ZDHHC14: variants seen among roughly 807,000 people sequenced by gnomAD.
The protein encoded by ZDHHC14 is palmitoyltransferase ZDHHC14.
ZDHHC14 carries 16 observed loss-of-function variants against 47.7 expected under a neutral mutation model. That is an observed-to-expected ratio of 0.34 (90% confidence interval 0.23 to 0.51). The LOEUF (loss-of-function observed/expected upper bound fraction) is 0.51. Ranked by LOEUF, ZDHHC14 falls within the 20% of genes least tolerant of loss-of-function variation. ZDHHC14 has a pLI of 0.97. For missense variants in ZDHHC14, 515 were observed against 662.5 expected (o/e 0.78, Z 2.44); for synonymous variants, 293 against 278.9 (o/e 1.05, Z -0.50).
intron 2 of ZDHHC14, among the ~76,000 whole-genome samples, chr6:157,550,191 T>C (rs1215591675): frequency 6.6e-6 from 1 of 152,176 alleles, no homozygotes; most frequent in Non-Finnish European, 1.5e-5. Context: ...TAAGTTCACA[T>C]AGGCATTCTA....
At chr6:157,497,690 G>A (rs1292927337) in intron 1 of ZDHHC14, among the ~76,000 whole-genome samples, 1 of 152,150 alleles carries the variant, frequency 6.6e-6, no homozygotes, top group Non-Finnish European at 1.5e-5. Flanking sequence ...AGCAACATCT[G>A]AGCATATTGT....
At chr6:157,655,083 A>C (rs1004664992) in intron 8 of ZDHHC14, among the ~76,000 whole-genome samples, 4 of 152,138 alleles carry the variant, frequency 2.6e-5, no homozygotes, top group Non-Finnish European at 5.9e-5. Context: ...TTGCCGCTCC[A>C]CTGTGTAAGG....
intron 1 of ZDHHC14, among the ~76,000 whole-genome samples, chr6:157,480,361 G>A (rs140933032): frequency 0.016 from 2,273 of 140,192 alleles, 33 homozygotes; most frequent in Non-Finnish European, 0.024. Context: ...TCTGCCACCC[G>A]AGTTCAAGCG....
At chr6:157,578,443 A>G (rs1783388796) in intron 2 of ZDHHC14, among the ~76,000 whole-genome samples, 1 of 152,236 alleles carries the variant, frequency 6.6e-6, no homozygotes, top group African/African-American at 2.4e-5. Context: ...TTTATTGAAT[A>G]GGGAATCCTT....
At chr6:157,593,218 C>A in intron 3 of ZDHHC14, 72 bp downstream of exon 3, 4 of 1,502,676 alleles carry the variant, frequency 2.7e-6, no homozygotes, top group East Asian at 2.3e-5. Flanking sequence ...TCCAACCCTG[C>A]GCCACGGAAC....
In ZDHHC14 at chr6:157,527,198, G is replaced by A. The variant is rs548284501; in HGVS notation, c.246-15387G>A. ...CCACCCTGCAACTGGGTGCCTGAAA[G>A]CAGATTACACCAGCCGGGGGGCCAT... On this transcript the variant is annotated intron_variant, in intron 1 of 8. Coordinates refer to ENST00000359775, the MANE Select transcript of ZDHHC14 (RefSeq NM_024630.3). 2.1e-4 allele frequency among the ~76,000 whole-genome samples: 32 copies of A among 152,244 alleles called. No individual in the cohort carries two copies. The South Asian group carries it at 6.2e-3, about 30-fold the overall frequency.
At chr6:157,471,027 A>G (rs1779341572) in intron 1 of ZDHHC14, among the ~76,000 whole-genome samples, 2 of 152,182 alleles carry the variant, frequency 1.3e-5, no homozygotes, top group South Asian at 4.1e-4. Flanking sequence ...TTACCAGGTC[A>G]GTCTCTCCCA....
Position 157,544,564 on chromosome 6 carries a change from G to A in ZDHHC14, c.406+1819G>A, listed in dbSNP as rs554642479. 1.2e-4 allele frequency among the ~76,000 whole-genome samples: 19 copies of A among 152,210 alleles called. No homozygotes were observed. The East Asian group carries it at 1.9e-3, about 15-fold the overall frequency. Reference sequence around the variant, plus strand: ...CTGGGGAGGCTGACGCAGGAGAATCGCTTGAACCCAGGAGGCGGAGGGTTG... The same window carrying A: ...CTGGGGAGGCTGACGCAGGAGAATCACTTGAACCCAGGAGGCGGAGGGTTG... On this transcript the variant is annotated intron_variant, in intron 2 of 8. Transcript: ENST00000359775.
At chr6:157,648,105 G>A (rs1019898443) in intron 7 of ZDHHC14, among the ~76,000 whole-genome samples, 4 of 152,226 alleles carry the variant, frequency 2.6e-5, no homozygotes, top group South Asian at 2.1e-4. Context: ...ACTGAGGCAC[G>A]CTGCCTCCAA....
chr6:157,660,039 A>T (rs909649256), intron 8 of ZDHHC14, among the ~76,000 whole-genome samples: 2 of 152,144 alleles, frequency 1.3e-5, no homozygotes, highest in African/African-American at 4.8e-5. Context: ...CTATCATTGC[A>T]AGAGTTGCCT....
At chr6:157,458,093 C>T (rs532175764) in intron 1 of ZDHHC14, among the ~76,000 whole-genome samples, 8 of 152,308 alleles carry the variant, frequency 5.3e-5, no homozygotes, top group East Asian at 1.9e-4. Flanking sequence ...TTTCTGCACT[C>T]GGTATGTGTA....
intron 2 of ZDHHC14, among the ~76,000 whole-genome samples, chr6:157,561,790 C>G (rs1782716566): frequency 6.6e-6 from 1 of 152,142 alleles, no homozygotes; most frequent in Non-Finnish European, 1.5e-5. Flanking sequence ...TCCCAAGTAG[C>G]TGGGATTATA....
At chr6:157,568,448 TC>T (rs368014048) in intron 2 of ZDHHC14, among the ~76,000 whole-genome samples, 4 of 125,962 alleles carry the variant, frequency 3.2e-5, no homozygotes, top group East Asian at 5.0e-4. Context: ...AGATTTTTTT[TC>T]CTCTTAATAT....
chr6:157,479,443 C>T (rs1779569544), intron 1 of ZDHHC14, among the ~76,000 whole-genome samples: 1 of 152,134 alleles, frequency 6.6e-6, no homozygotes, highest in African/African-American at 2.4e-5. Flanking sequence ...AGTGGAAGGT[C>T]CTTCTTCTCA....
intron 1 of ZDHHC14, among the ~76,000 whole-genome samples, chr6:157,421,804 C>T (rs984505509): frequency 9.2e-5 from 14 of 152,218 alleles, no homozygotes; most frequent in African/African-American, 3.4e-4. Context: ...GACGGGGTTT[C>T]ACCATGTTGG....
At chr6:157,606,058 C>A (rs760915523) in intron 3 of ZDHHC14, among the ~76,000 whole-genome samples, 5 of 152,156 alleles carry the variant, frequency 3.3e-5, no homozygotes, top group African/African-American at 4.8e-5. Flanking sequence ...ATATGAAGAT[C>A]GCATTACTCT....
intron 1 of ZDHHC14, among the ~76,000 whole-genome samples, chr6:157,516,614 G>C (rs906995327): frequency 2.6e-5 from 4 of 152,196 alleles, no homozygotes; most frequent in Non-Finnish European, 5.9e-5. Flanking sequence ...GAAAACAAAA[G>C]TTAGAGTTGC....
At chr6:157,663,067 A>G (rs535881428) in intron 8 of ZDHHC14, among the ~76,000 whole-genome samples, 10 of 152,376 alleles carry the variant, frequency 6.6e-5, no homozygotes, top group African/African-American at 2.4e-4. Context: ...ATTACAAAGT[A>G]AGTTGCTCAT....
chr6:157,549,971 G>T (rs916667760), intron 2 of ZDHHC14, among the ~76,000 whole-genome samples: 2 of 152,226 alleles, frequency 1.3e-5, no homozygotes, highest in African/African-American at 4.8e-5. Context: ...TGGGGACTTA[G>T]GAGGACAGCT....
Sources: allele counts gnomAD v4.1 joint callset (sites outside exome capture counted in the v4.1 genomes callset), GRCh38; gene constraint gnomAD v4.1.1; transcripts MANE v1.5; gene names NCBI Gene and HGNC (gene_info 2026-07-23, HGNC 2026-07-21).